Variants in AKAP8 observed in about 807,000 individuals in gnomAD.
The protein encoded by AKAP8 is A-kinase anchor protein 8.
A neutral mutation model predicts 67.5 loss-of-function variants in AKAP8; 24 were observed. The ratio of observed to expected loss-of-function variants is 0.36; its 90% CI spans 0.26 to 0.50. The LOEUF (loss-of-function observed/expected upper bound fraction) is 0.50, where lower values mean the gene tolerates loss of function less well. Ranked by LOEUF, AKAP8 falls within the 20% of genes least tolerant of loss-of-function variation. The probability of loss-of-function intolerance (pLI) is 0.97; values close to 1 mark genes in which losing one functional copy is unlikely to be tolerated. For synonymous variants in AKAP8, 400 were observed against 371.1 expected (o/e 1.08, Z -0.90); for missense variants, 971 against 955.9 (o/e 1.02, Z -0.21).
intron 9 of AKAP8, among the ~76,000 whole-genome samples, chr19:15,363,515 A>T (rs4273161): frequency 1.5e-5 from 2 of 136,166 alleles, no homozygotes; most frequent in Admixed American, 7.0e-5. Context: ...GGCCAGCCGC[A>T]CCGTCCGGGA....
rs61757556 is a variant in AKAP8 at position 15,373,131 on chromosome 19, C to T, written c.581G>A (p.Arg194His). 8.0e-4 allele frequency: 1,285 copies of T among 1,612,868 alleles called. 2 individuals carry two copies. The highest frequency in any genetic ancestry group is 3.3e-3 in the African/African-American group (247 of 75,042). Reference protein sequence around the residue: ...DGFMRGRGQGRFQDRSNPGTF... With the variant: ...DGFMRGRGQGHFQDRSNPGTF... Reference sequence around the variant, plus strand: ...GCCAGGGTTGCTCCGGTCCTGGAAGCGGCCCTGGCCCCGGCCCCGCATGAA... The same window carrying T: ...GCCAGGGTTGCTCCGGTCCTGGAAGTGGCCCTGGCCCCGGCCCCGCATGAA... The change falls in exon 5 of 14, where the codon CGC becomes CAC. Residue 194 changes from arginine to histidine, a missense_variant. Around this residue, in one of 3 missense-constraint regions of AKAP8, gnomAD observed 763 missense variants for 745.4 expected, o/e 1.02. Coordinates refer to ENST00000269701, the MANE Select transcript of AKAP8 (RefSeq NM_005858.4).
At chr19:15,366,137 T>A (rs1347110486) in intron 9 of AKAP8, among the ~76,000 whole-genome samples, 14 of 14,990 alleles carry the variant, frequency 9.3e-4, no homozygotes, top group East Asian at 0.014. Flanking sequence ...ACATACAAGA[T>A]GAAAAAAAAG....
At position 15,374,092 on chromosome 19, in the gene AKAP8, G is replaced by A. The variant is rs760951802; in HGVS notation, c.92-27C>T. 13 of 1,527,214 alleles carry A rather than the reference G, an allele frequency of 8.5e-6. No individual in the cohort carries two copies. The East Asian group carries it at 1.1e-4, about 13-fold the overall frequency. The allele number at this position is 1,527,214 out of a possible 1,614,324, so 94.6% of individuals were successfully genotyped here. A position where few individuals can be genotyped will look rare whatever the true frequency, so the allele number is the denominator to read the frequency against. On this transcript the variant is annotated intron_variant, in intron 3 of 13. Coordinates refer to ENST00000269701, the MANE Select transcript of AKAP8 (RefSeq NM_005858.4). ...TGTCACAGGGGGAGGAGCCAAGTCAGACTTCAGCAGCCACGAGGCCTGTCC... is the reference window on the plus strand; with the variant it reads ...TGTCACAGGGGGAGGAGCCAAGTCAAACTTCAGCAGCCACGAGGCCTGTCC...
intron 1 of AKAP8, among the ~76,000 whole-genome samples, chr19:15,378,029 T>C (rs373737002): frequency 6.6e-5 from 10 of 152,248 alleles, no homozygotes; most frequent in East Asian, 1.9e-4. Context: ...AACATATCCA[T>C]GTCTCCCTCA....
Position 15,360,995 on chromosome 19 carries a change from G to A in AKAP8, c.1397-17C>T, listed in dbSNP as rs758473141. Reference sequence around the variant, plus strand: ...GGCCAATCCCTGCCAGGAAACGCATGTCTTGTAGGATCTGGGACAGCAAGT... The same window carrying A: ...GGCCAATCCCTGCCAGGAAACGCATATCTTGTAGGATCTGGGACAGCAAGT... On this transcript the variant is annotated splice_polypyrimidine_tract_variant and intron_variant, in intron 11 of 13. Transcript: ENST00000269701. 1.9e-6 allele frequency: 3 copies of A among 1,610,748 alleles called. No homozygotes were observed. In the Admixed American group the frequency reaches 5.0e-5, roughly 27 times the overall value.
At chr19:15,372,789 C>A in intron 5 of AKAP8, 62 bp downstream of exon 5, 1 of 1,453,996 alleles carries the variant, frequency 6.9e-7, no homozygotes, top group African/African-American at 1.4e-5. Flanking sequence ...GGAAATTTTA[C>A]CTCAATAAAG....
intron 7 of AKAP8, 95 bp from the exon 8 acceptor site, chr19:15,370,274 T>A: frequency 7.0e-7 from 1 of 1,427,318 alleles, no homozygotes; most frequent in Non-Finnish European, 9.8e-7. Context: ...GTGGGCAGTC[T>A]CACCCAAGAC....
Position 15,354,872 on chromosome 19 carries a change from C to A in AKAP8, c.*43G>T, listed in dbSNP as rs564117969. Reference sequence around the variant, plus strand: ...ACAAACCAAGGGAGAAAGACCAACGCATCCATCATCCCAACGCCTTCCCTG... The same window carrying A: ...ACAAACCAAGGGAGAAAGACCAACGAATCCATCATCCCAACGCCTTCCCTG... On this transcript the variant is annotated 3_prime_UTR_variant, in exon 14 of 14. Transcript: ENST00000269701. The A allele has an allele frequency of 2.5e-6, 4 of 1,598,808 alleles. No individual in the cohort carries two copies. The African/African-American group carries it at 5.3e-5, about 21-fold the overall frequency.
intron 1 of AKAP8, 33 bp downstream of exon 1, chr19:15,379,680 C>G (rs751455889): frequency 3.1e-5 from 50 of 1,603,604 alleles, no homozygotes; most frequent in East Asian, 1.4e-4. Flanking sequence ...AGAGCCTTCC[C>G]TCCCCGCTCC....
intron 9 of AKAP8, among the ~76,000 whole-genome samples, chr19:15,363,244 G>A (rs1232376680): frequency 7.0e-5 from 10 of 142,590 alleles, no homozygotes; most frequent in African/African-American, 2.4e-4. Flanking sequence ...TCAGCCCCCC[G>A]CCCGGCCAGC....
intron 12 of AKAP8, 118 bp downstream of exon 12, chr19:15,360,730 A>G: frequency 1.6e-6 from 2 of 1,282,384 alleles, no homozygotes; most frequent in South Asian, 1.7e-5. Flanking sequence ...GATGGAAGTG[A>G]TAGACTTGAA....
intron 3 of AKAP8, among the ~76,000 whole-genome samples, chr19:15,374,392 G>A (rs774594275): frequency 6.6e-6 from 1 of 152,180 alleles, no homozygotes; most frequent in Admixed American, 6.5e-5. Context: ...CCCAAAGCAC[G>A]GTCGCAGTCC....
At chr19:15,368,587 A>G (rs957750585) in intron 8 of AKAP8, 19 of 984,630 alleles carry the variant, frequency 1.9e-5, no homozygotes, top group Non-Finnish European at 2.2e-5. Flanking sequence ...TGCCCACCCC[A>G]TGTGCACCAC....
intron 8 of AKAP8, 30 bp downstream of exon 8, chr19:15,370,116 G>C: frequency 6.2e-7 from 1 of 1,613,874 alleles, no homozygotes; most frequent in Admixed American, 1.7e-5. Context: ...GAAGACACAG[G>C]AAAGCTGCAA....
Position 15,354,814 on chromosome 19 carries a change from C to A in AKAP8, c.*101G>T. The A allele has an allele frequency of 7.3e-7, 1 of 1,377,186 alleles. No individual in the cohort carries two copies. Among genetic ancestry groups the A allele is most frequent in the African/African-American group, 1.4e-5 (1 of 70,036 alleles). The allele number at this position is 1,377,186 out of a possible 1,614,324, so 85.3% of individuals were successfully genotyped here. A position where few individuals can be genotyped will look rare whatever the true frequency, so the allele number is the denominator to read the frequency against. ...TCTCTTCACCAAAATTAGATTACAG[C>A]ATATTCTGGGAGCACACGCCCTTGT... On this transcript the variant is annotated 3_prime_UTR_variant, in exon 14 of 14. Coordinates refer to ENST00000269701, the MANE Select transcript of AKAP8 (RefSeq NM_005858.4).
chr19:15,362,144 G>C lies in AKAP8; in HGVS notation c.1268C>G (p.Thr423Ser), dbSNP rs767177827. ...CTCCACGGTCTTGTCGGGCAGCTTG[G>C]TGCTTATGAACCGCAGGGTCTCTTT... ...FHKETLRFIS[T>S]KLPDKTVEFL... Residue 423 changes from threonine to serine, a missense_variant, in exon 10 of 14, where the codon ACC (threonine) becomes AGC (serine). By Grantham distance (58) the Thr-to-Ser change is moderately conservative. Coordinates refer to ENST00000269701, the MANE Select transcript of AKAP8 (RefSeq NM_005858.4). The C allele has an allele frequency of 5.6e-6, 9 of 1,614,116 alleles. No individual in the cohort carries two copies. In the South Asian group the frequency reaches 9.9e-5, roughly 18 times the overall value.
At chr19:15,358,351 C>G (rs561677142) in intron 13 of AKAP8, among the ~76,000 whole-genome samples, 5 of 151,698 alleles carry the variant, frequency 3.3e-5, no homozygotes, top group Non-Finnish European at 5.9e-5. Flanking sequence ...TCTCATGTAC[C>G]TTGGATTCTT....
intron 1 of AKAP8, among the ~76,000 whole-genome samples, chr19:15,377,309 T>C (rs1181019001): frequency 6.6e-6 from 1 of 152,124 alleles, no homozygotes; most frequent in Non-Finnish European, 1.5e-5. Context: ...CATCCACAAC[T>C]GAGGCTAACA....
intron 1 of AKAP8, chr19:15,379,099 C>G (rs79245752): frequency 2.6e-5 from 4 of 152,672 alleles, no homozygotes; most frequent in Non-Finnish European, 5.9e-5. Flanking sequence ...GCCGGCAGCA[C>G]TCGGCCCCAC....
Sources: gnomAD v4.1 joint callset for allele counts (sites outside exome capture counted in the v4.1 genomes callset) on GRCh38, gnomAD v4.1.1 for gene constraint, gnomAD v4.1.1 regional missense constraint, MANE v1.5 for transcripts, NCBI Gene and HGNC (gene_info 2026-07-23, HGNC 2026-07-21) for gene names.